LYRM9: variants seen among roughly 807,000 people sequenced by gnomAD.
LYRM9 encodes the protein LYR motif-containing protein 9.
Under a neutral mutation model 12.6 loss-of-function variants are expected in LYRM9, and 14 were observed. The observed-to-expected ratio is 1.11, with a 90% CI of 0.73 to 1.73. The LOEUF (loss-of-function observed/expected upper bound fraction) is 1.73. Among genes scored for constraint, LYRM9 ranks in the 40% most tolerant of loss-of-function variants. LYRM9 has a pLI of 0.00. For synonymous variants in LYRM9, 42 were observed against 35.1 expected, an observed-to-expected ratio of 1.20 and a Z score of -0.69; for missense variants, 94 against 95.0, an observed-to-expected ratio of 0.99 and a Z score of 0.04.
chr17:27,887,116 T>C (rs770198919), intron 1 of LYRM9, among the ~76,000 whole-genome samples: 1 of 152,222 alleles, frequency 6.6e-6, no homozygotes. Context: ...CATCCTTCTC[T>C]GCCCAACAGC....
chr17:27,880,155 G>C, intron 3 of LYRM9, 119 bp downstream of exon 3: 1 of 783,616 alleles, frequency 1.3e-6, no homozygotes, highest in Non-Finnish European at 2.2e-6. Context: ...CAGCTGGCTG[G>C]TGGCCTCCTC....
rs1905232259 is a variant in LYRM9, at chr17:27,886,408, T to C, written c.-18-3696A>G. Reference sequence around the variant, plus strand: ...TTTAAAGCGTAGGTTTGCTATTATTTAAGGGGCAATGAACCTCACAGCATC... The same window carrying C: ...TTTAAAGCGTAGGTTTGCTATTATTCAAGGGGCAATGAACCTCACAGCATC... On this transcript the variant is annotated intron_variant, in intron 1 of 3. Coordinates refer to ENST00000379102, the MANE Select transcript of LYRM9 (RefSeq NM_001076680.3). This position sits in a 1 kb window ranked among gnomAD's most constrained non-coding sequence, Gnocchi z 4.8. 6.6e-6 allele frequency among the ~76,000 whole-genome samples: 1 copy of C among 152,236 alleles called. No individual in the cohort carries two copies. The highest frequency in any genetic ancestry group is 2.4e-5 in the African/African-American group (1 of 41,462).
chr17:27,883,914 T>C (rs1024076933), intron 1 of LYRM9, among the ~76,000 whole-genome samples: 2 of 141,754 alleles, frequency 1.4e-5, no homozygotes, highest in African/African-American at 5.4e-5. Flanking sequence ...CTTCATATAC[T>C]TAAAGTATAT....
chr17:27,892,661 G>C (rs193182520), intron 1 of LYRM9: 29 of 314,330 alleles, frequency 9.2e-5, no homozygotes, highest in Non-Finnish European at 1.3e-4. Context: ...TAGATGGGAG[G>C]GGGGAGTGAC....
intron 3 of LYRM9, 27 bp downstream of exon 3, chr17:27,880,247 G>C: frequency 6.4e-7 from 1 of 1,560,072 alleles, no homozygotes; most frequent in Non-Finnish European, 8.8e-7. Flanking sequence ...CCAGCTCGCA[G>C]GCAGAGCCCA....
chr17:27,887,965 C>G (rs1218885083), intron 1 of LYRM9, among the ~76,000 whole-genome samples: 1 of 152,074 alleles, frequency 6.6e-6, no homozygotes, highest in Non-Finnish European at 1.5e-5. Flanking sequence ...CGTTTAAGGC[C>G]TTCAATGGAT....
chr17:27,889,496 C>T (rs1210049093), intron 1 of LYRM9, among the ~76,000 whole-genome samples: 3 of 152,088 alleles, frequency 2.0e-5, no homozygotes, highest in South Asian at 2.1e-4. Flanking sequence ...TTAGTAGAGA[C>T]GGAGTTTCGC....
intron 1 of LYRM9, chr17:27,883,393 T>G (rs1905129942): frequency 5.4e-6 from 1 of 184,996 alleles, no homozygotes; most frequent in Non-Finnish European, 1.1e-5. Flanking sequence ...CACAATGGGC[T>G]GGGCGTAGTG....
chr17:27,880,817 G>A (rs976801614), intron 2 of LYRM9: 3 of 172,810 alleles, frequency 1.7e-5, no homozygotes, highest in Admixed American at 1.7e-4. Context: ...ACAGGGAAGG[G>A]AGGGGAGGTA....
At chr17:27,891,981 G>A (rs1195690180) in intron 1 of LYRM9, 1 of 151,160 alleles carries the variant, frequency 6.6e-6, no homozygotes, top group African/African-American at 2.5e-5. Flanking sequence ...ACCCAGGCTG[G>A]AGTACAGTAG....
At chr17:27,885,298 T>C (rs1364603899) in intron 1 of LYRM9, among the ~76,000 whole-genome samples, 1 of 152,164 alleles carries the variant, frequency 6.6e-6, no homozygotes, top group Non-Finnish European at 1.5e-5. Context: ...CCCACTAAAC[T>C]TGATGCTGGG....
Position 27,886,355 on chromosome 17 carries a change from G to T in LYRM9, c.-18-3643C>A, listed in dbSNP as rs956871946. 1.3e-5 allele frequency among the ~76,000 whole-genome samples: 2 copies of T among 152,222 alleles called. No individual in the cohort carries two copies. The highest frequency in any genetic ancestry group is 2.9e-5 in the Non-Finnish European group (2 of 68,042). The stretch of plus-strand genomic sequence containing the variant: ...AATACATGTGTGGGTCCACTTAGAA[G>T]AGCTAAACTAAAAATGTTTTAATTT... On this transcript the variant is annotated intron_variant, in intron 1 of 3. Transcript: ENST00000379102. The surrounding 1 kb of genome is among the most constrained non-coding windows in gnomAD (Gnocchi z 4.8).
intron 1 of LYRM9, among the ~76,000 whole-genome samples, chr17:27,891,251 T>A (rs1442619564): frequency 6.6e-6 from 1 of 152,168 alleles, no homozygotes; most frequent in Non-Finnish European, 1.5e-5. Context: ...TCCTGCATTT[T>A]AGCCACAGAC....
At chr17:27,884,049 G>A (rs534436072) in intron 1 of LYRM9, among the ~76,000 whole-genome samples, 3 of 29,792 alleles carry the variant, frequency 1.0e-4, no homozygotes, top group African/African-American at 3.7e-4. Context: ...CCGCCCTCCC[G>A]ACGTCCCCAT....
At chr17:27,884,851 T>A (rs930846548) in intron 1 of LYRM9, among the ~76,000 whole-genome samples, 1 of 147,594 alleles carries the variant, frequency 6.8e-6, no homozygotes, top group Non-Finnish European at 1.5e-5. Context: ...AACCCTCCCC[T>A]CACCTTGCAA....
intron 2 of LYRM9, among the ~76,000 whole-genome samples, chr17:27,881,813 A>AT (rs10711592): frequency 1.7e-3 from 252 of 149,530 alleles, no homozygotes; most frequent in Admixed American, 4.1e-3. Flanking sequence ...AGTAATATTC[A>AT]TTTTTTTTTT....
chr17:27,892,678 A>C, intron 1 of LYRM9: 1 of 309,224 alleles, frequency 3.2e-6, no homozygotes, highest in Non-Finnish European at 6.4e-6. Flanking sequence ...TGACAGCTAA[A>C]GGAGGTGTTT....
At chr17:27,884,011 A>G (rs1399241755) in intron 1 of LYRM9, among the ~76,000 whole-genome samples, 1 of 152,028 alleles carries the variant, frequency 6.6e-6, no homozygotes, top group Non-Finnish European at 1.5e-5. Context: ...ACCAAAATTT[A>G]CCGCATACCC....
At position 27,886,621 on chromosome 17, in the gene LYRM9, C is replaced by G. The variant is rs192787628; in HGVS notation, c.-18-3909G>C. Among the ~76,000 whole-genome samples, 416 of 150,922 alleles carry G rather than the reference C, an allele frequency of 2.8e-3. 1 individual carries two copies. The highest frequency in any genetic ancestry group is 2.6e-3 in the Non-Finnish European group (175 of 67,898). ...TTCCTCCTTCTCCTCAATCCCCATG[C>G]CACTGGTTTCTTTCTTTTCTTTTCT... On this transcript the variant is annotated intron_variant, in intron 1 of 3. Transcript: ENST00000379102. The surrounding 1 kb of genome is among the most constrained non-coding windows in gnomAD (Gnocchi z 4.8).
Sources: allele counts gnomAD v4.1 joint callset (sites outside exome capture counted in the v4.1 genomes callset), GRCh38; gene constraint gnomAD v4.1.1; non-coding constraint Gnocchi (gnomAD v3.1); transcripts MANE v1.5; gene names NCBI Gene and HGNC (gene_info 2026-07-23, HGNC 2026-07-21).